Variants in ZNG1B observed in about 807,000 individuals in gnomAD.
The protein encoded by ZNG1B is Zn regulated GTPase metalloprotein activator 1B.
chr2:113,443,199 A>G, the ZNG1B span, among the ~76,000 whole-genome samples: 1 of 151,994 alleles, frequency 6.6e-6, no homozygotes, highest in Non-Finnish European at 1.5e-5. Context: ...CGATCTCCTG[A>G]CCTCGTGATC....
the ZNG1B span, among the ~76,000 whole-genome samples, chr2:113,456,428 G>A: frequency 6.8e-6 from 1 of 146,724 alleles, no homozygotes; most frequent in African/African-American, 2.5e-5. Flanking sequence ...ATATACCTAT[G>A]TGACAGATAA....
the ZNG1B span, among the ~76,000 whole-genome samples, chr2:113,483,416 G>T: frequency 2.0e-4 from 31 of 151,698 alleles, no homozygotes; most frequent in African/African-American, 6.8e-4. Flanking sequence ...GGCTTGGTGG[G>T]TACTCAGTGA....
chr2:113,439,520 A>G, the ZNG1B span, among the ~76,000 whole-genome samples: 2 of 152,156 alleles, frequency 1.3e-5, no homozygotes, highest in South Asian at 2.1e-4. Context: ...TATTCGTTGC[A>G]TGTTAGCCTT....
the ZNG1B span, among the ~76,000 whole-genome samples, chr2:113,478,209 G>A: frequency 6.6e-6 from 1 of 152,052 alleles, no homozygotes; most frequent in Admixed American, 6.6e-5. Context: ...TTTTGCTTAA[G>A]GGTAGGCATA....
the ZNG1B span, among the ~76,000 whole-genome samples, chr2:113,478,434 C>T: frequency 1.3e-5 from 2 of 149,648 alleles, no homozygotes; most frequent in Non-Finnish European, 3.0e-5. Context: ...TGTCACCATG[C>T]CTGACTAATT....
the ZNG1B span, chr2:113,462,791 A>G: frequency 2.1e-6 from 1 of 475,730 alleles, no homozygotes; most frequent in Non-Finnish European, 3.6e-6. Flanking sequence ...AATCTTCCCT[A>G]ACTTTACCCA....
chr2:113,475,871 A>T, the ZNG1B span, among the ~76,000 whole-genome samples: 1 of 152,278 alleles, frequency 6.6e-6, no homozygotes, highest in South Asian at 2.1e-4. Flanking sequence ...TGTTAGTCTG[A>T]TGGGCTTCCC....
At chr2:113,440,589 C>A in the ZNG1B span, among the ~76,000 whole-genome samples, 1 of 152,012 alleles carries the variant, frequency 6.6e-6, no homozygotes, top group Non-Finnish European at 1.5e-5. Flanking sequence ...GATATTAATA[C>A]CCTAATACTC....
the ZNG1B span, among the ~76,000 whole-genome samples, chr2:113,461,706 A>T: frequency 6.6e-6 from 1 of 151,994 alleles, no homozygotes; most frequent in Admixed American, 6.6e-5. Context: ...GATAATATAC[A>T]GTATATTTAT....
the ZNG1B span, among the ~76,000 whole-genome samples, chr2:113,490,404 G>A: frequency 7.2e-5 from 10 of 138,060 alleles, no homozygotes; most frequent in Admixed American, 3.0e-4. Context: ...TCAAAAAGTC[G>A]GAAAGAGCAC....
chr2:113,448,643 G>A, the ZNG1B span, among the ~76,000 whole-genome samples: 1 of 152,034 alleles, frequency 6.6e-6, no homozygotes, highest in Admixed American at 6.6e-5. Flanking sequence ...GGTGGCTCAT[G>A]CCTGTAATCT....
At chr2:113,476,217 CTTCTTGCTTCA>C in the ZNG1B span, among the ~76,000 whole-genome samples, 1 of 152,052 alleles carries the variant, frequency 6.6e-6, no homozygotes, top group Non-Finnish European at 1.5e-5. Context: ...CTAAACTTCC[CTTCTTGCTTCA>C]TTTCATTCAT....
the ZNG1B span, among the ~76,000 whole-genome samples, chr2:113,451,642 A>C: frequency 2.6e-5 from 4 of 152,180 alleles, no homozygotes; most frequent in Non-Finnish European, 5.9e-5. Flanking sequence ...CCCTGGTTTG[A>C]GAGCCACTGA....
the ZNG1B span, chr2:113,495,367 G>A: frequency 7.8e-7 from 1 of 1,287,574 alleles, no homozygotes; most frequent in Admixed American, 3.1e-5. Context: ...AAATAAGCTT[G>A]TGGTCAATGT....
the ZNG1B span, among the ~76,000 whole-genome samples, chr2:113,472,782 G>C: frequency 1.3e-5 from 2 of 151,874 alleles, no homozygotes; most frequent in African/African-American, 4.8e-5. Context: ...GTTTGTCAAA[G>C]ATCAGATAGT....
chr2:113,469,177 T>C, the ZNG1B span: 4 of 152,170 alleles, frequency 2.6e-5, no homozygotes. Flanking sequence ...AGAATCTCAC[T>C]CTGTCCCCCA....
chr2:113,478,354 C>T, the ZNG1B span, among the ~76,000 whole-genome samples: 1 of 152,112 alleles, frequency 6.6e-6, no homozygotes, highest in Non-Finnish European at 1.5e-5. Flanking sequence ...TGGCTTACTG[C>T]AGCCTCAACC....
the ZNG1B span, among the ~76,000 whole-genome samples, chr2:113,449,385 C>T: frequency 7.3e-6 from 1 of 136,966 alleles, no homozygotes; most frequent in African/African-American, 2.9e-5. Context: ...CCTCACCAAG[C>T]ATAATCATTT....
chr2:113,446,772 GCACACACACA>G, the ZNG1B span, among the ~76,000 whole-genome samples: 12 of 143,392 alleles, frequency 8.4e-5, no homozygotes, highest in African/African-American at 3.1e-4. Flanking sequence ...ACATGCACAC[GCACACACACA>G]CACACACACA....
Sources: gnomAD v4.1 joint callset for allele counts (sites outside exome capture counted in the v4.1 genomes callset) on GRCh38, gnomAD v4.1.1 for gene constraint, MANE v1.5 for transcripts, NCBI Gene and HGNC (gene_info 2026-07-23, HGNC 2026-07-21) for gene names.